ODAD2: variants seen among roughly 807,000 people sequenced by gnomAD.
ODAD2 encodes outer dynein arm docking complex subunit 2.
ODAD2 carries 89 observed loss-of-function variants against 106.8 expected under a neutral mutation model. That is an observed-to-expected ratio of 0.83 (90% CI 0.70 to 0.99). The LOEUF (loss-of-function observed/expected upper bound fraction) is 0.99, where lower values mean the gene tolerates loss of function less well. Among genes scored for constraint, ODAD2 ranks in the 50% least tolerant of loss-of-function variants. The pLI is 0.00. For missense variants in ODAD2, 1,168 were observed against 1,238.5 expected (o/e 0.94, Z 0.85); for synonymous variants, 404 against 436.2 (o/e 0.93, Z 0.92).
intron 19 of ODAD2, among the ~76,000 whole-genome samples, chr10:27,821,666 TC>T (rs1836621532): frequency 6.6e-6 from 1 of 152,216 alleles, no homozygotes; most frequent in African/African-American, 2.4e-5. Context: ...CAGTTTCTAA[TC>T]TCTTTGTCAT....
intron 7 of ODAD2, 132 bp downstream of exon 7, chr10:27,981,334 T>C: frequency 1.4e-6 from 1 of 721,388 alleles, no homozygotes; most frequent in Non-Finnish European, 2.1e-6. Context: ...TGTTATGTTA[T>C]GTTGTAAAAA....
intron 18 of ODAD2, among the ~76,000 whole-genome samples, chr10:27,861,392 G>C (rs1211007227): frequency 6.6e-6 from 1 of 152,226 alleles, no homozygotes; most frequent in Non-Finnish European, 1.5e-5. Context: ...AGGTGACCAA[G>C]CATCTGACAT....
intron 2 of ODAD2, among the ~76,000 whole-genome samples, chr10:27,988,420 C>T (rs1365799403): frequency 3.3e-5 from 5 of 150,904 alleles, no homozygotes; most frequent in African/African-American, 1.2e-4. Context: ...TCACTGCAAC[C>T]TCTGCCTCCG....
intron 16 of ODAD2, among the ~76,000 whole-genome samples, chr10:27,929,344 A>C (rs536860858): frequency 6.6e-6 from 1 of 152,278 alleles, no homozygotes; most frequent in Non-Finnish European, 1.5e-5. Flanking sequence ...TTTTATGTGA[A>C]AGATGATAAA....
chr10:27,927,263 G>A (rs1049826192), intron 16 of ODAD2, among the ~76,000 whole-genome samples: 2 of 152,078 alleles, frequency 1.3e-5, no homozygotes, highest in Non-Finnish European at 2.9e-5. Context: ...TGTGCTAAGG[G>A]TTTATATGTT....
chr10:27,954,145 C>T, intron 10 of ODAD2, among the ~76,000 whole-genome samples: 1 of 152,128 alleles, frequency 6.6e-6, no homozygotes, highest in East Asian at 1.9e-4. Context: ...TTTAAAAATT[C>T]TTCAGCATGC....
intron 14 of ODAD2, among the ~76,000 whole-genome samples, chr10:27,938,056 GCCTCCA>G (rs1287458065): frequency 1.3e-5 from 2 of 152,074 alleles, no homozygotes; most frequent in Admixed American, 1.3e-4. Context: ...CAATTCTCGT[GCCTCCA>G]CCTCCAGAGT....
intron 10 of ODAD2, among the ~76,000 whole-genome samples, chr10:27,954,831 T>C (rs1847607285): frequency 6.6e-6 from 1 of 152,224 alleles, no homozygotes; most frequent in Admixed American, 6.5e-5. Flanking sequence ...GACAAATTCT[T>C]TTGTGGGCAA....
chr10:27,984,970 T>C lies in ODAD2; in HGVS notation c.575+49A>G, dbSNP rs1305787527. 3 of 1,383,604 alleles carry C rather than the reference T, an allele frequency of 2.2e-6. No homozygotes were observed. In the Admixed American group the frequency reaches 6.3e-5, roughly 29 times the overall value. 85.7% of individuals were successfully genotyped at this position (1,383,604 alleles called of 1,614,324 possible). ...TGTCACCCAGGCTGGAGTTCAGTGG[T>C]GCAATCTTGGCTCAATACAATAGAG... is the stretch of plus-strand genomic sequence containing the variant. On this transcript the variant is annotated intron_variant, in intron 4 of 19. Coordinates refer to ENST00000305242, the MANE Select transcript of ODAD2 (RefSeq NM_018076.5).
In ODAD2 at chr10:27,862,584, C is replaced by T; in HGVS notation, c.2649G>A (p.Leu883=). Residue 883 remains leucine (L), a synonymous_variant, in exon 18 of 20, where the codon TTG becomes TTA. Coordinates refer to ENST00000305242, the MANE Select transcript of ODAD2 (RefSeq NM_018076.5). ...GEMVRSFVGG[L]ELIVNLLKSD... ...ATTTCAGTAAATTGACAATAAGTTC[C>T]AAACCACCAACAAAGGAACGAACCA... 6.2e-7 allele frequency: 1 copy of T among 1,609,714 alleles called. No individual in the cohort carries two copies. Among genetic ancestry groups the T allele is most frequent in the Admixed American group, 1.7e-5 (1 of 59,306 alleles).
chr10:27,930,490 G>C (rs2134044794), intron 16 of ODAD2, among the ~76,000 whole-genome samples: 2 of 152,112 alleles, frequency 1.3e-5, no homozygotes, highest in South Asian at 4.2e-4. Flanking sequence ...CTCCAGCCTG[G>C]GTGATAGAGT....
At chr10:27,821,160 T>C (rs188800498) in intron 19 of ODAD2, among the ~76,000 whole-genome samples, 1 of 152,340 alleles carries the variant, frequency 6.6e-6, no homozygotes, top group East Asian at 1.9e-4. Context: ...CTTAGCTAAG[T>C]ACAGTCTCAA....
At chr10:27,816,146 T>C (rs905857931) in intron 19 of ODAD2, among the ~76,000 whole-genome samples, 14 of 152,156 alleles carry the variant, frequency 9.2e-5, no homozygotes, top group Non-Finnish European at 8.8e-5. Flanking sequence ...CTTCTCTTTA[T>C]TGCTATTGTC....
At chr10:27,998,702 C>T (rs574449198) in intron 1 of ODAD2, among the ~76,000 whole-genome samples, 11 of 152,068 alleles carry the variant, frequency 7.2e-5, no homozygotes, top group African/African-American at 2.7e-4. Context: ...CAGGCGAGAG[C>T]GGCAGCGGCG....
At chr10:27,878,485 A>C (rs1841493230) in intron 17 of ODAD2, among the ~76,000 whole-genome samples, 1 of 152,200 alleles carries the variant, frequency 6.6e-6, no homozygotes, top group South Asian at 2.1e-4. Context: ...AGATATACAT[A>C]ATGCAACTTT....
chr10:27,990,124 C>T (rs919115711), intron 2 of ODAD2, among the ~76,000 whole-genome samples: 13 of 152,062 alleles, frequency 8.5e-5, no homozygotes, highest in African/African-American at 3.1e-4. Context: ...TGTCTTTTTT[C>T]TTTAATCCTC....
At chr10:27,814,831 C>T (rs1289231418) in intron 19 of ODAD2, among the ~76,000 whole-genome samples, 2 of 152,196 alleles carry the variant, frequency 1.3e-5, no homozygotes, top group Non-Finnish European at 2.9e-5. Context: ...TTCCCTGTGC[C>T]TTCACCAATA....
intron 6 of ODAD2, chr10:27,981,811 C>A: frequency 2.9e-6 from 1 of 348,720 alleles, no homozygotes; most frequent in East Asian, 6.8e-5. Flanking sequence ...ATTCATTCAG[C>A]AAGGCTTTAC....
intron 10 of ODAD2, among the ~76,000 whole-genome samples, chr10:27,959,280 G>A (rs140213696): frequency 5.6e-4 from 83 of 149,470 alleles, no homozygotes; most frequent in African/African-American, 2.0e-3. Context: ...AAAGGAAAGG[G>A]AAGGAAGAAA....
Sources: allele counts gnomAD v4.1 joint callset (sites outside exome capture counted in the v4.1 genomes callset), GRCh38; gene constraint gnomAD v4.1.1; transcripts MANE v1.5; gene names NCBI Gene and HGNC (gene_info 2026-07-23, HGNC 2026-07-21).